The following NRXN3 variants were observed in gnomAD, a reference collection of about 807,000 sequenced individuals.
The protein encoded by NRXN3 is neurexin 3.
A neutral mutation model predicts 137.6 loss-of-function variants in NRXN3; 32 were observed. The observed-to-expected ratio is 0.23, with a 90% CI of 0.18 to 0.31. The LOEUF is 0.31. Ranked by LOEUF, NRXN3 falls within the 10% of genes least tolerant of loss-of-function variation. The probability of loss-of-function intolerance (pLI) is 1.00; values close to 1 mark genes in which losing one functional copy is unlikely to be tolerated. For missense variants in NRXN3, 1,574 were observed against 2,062.5 expected, an observed-to-expected ratio of 0.76 and a Z score of 4.59; for synonymous variants, 798 against 784.5, an observed-to-expected ratio of 1.02 and a Z score of -0.29.
intron 16 of NRXN3, among the ~76,000 whole-genome samples, chr14:79,597,872 CA>C (rs1745341478): frequency 1.3e-5 from 2 of 151,966 alleles, no homozygotes; most frequent in African/African-American, 4.8e-5. Context: ...AATATATAGG[CA>C]GAGGAAAAAA....
chr14:78,347,937 G>C (rs549189221), intron 4 of NRXN3, among the ~76,000 whole-genome samples: 48 of 152,274 alleles, frequency 3.2e-4, no homozygotes, highest in African/African-American at 1.1e-3. Flanking sequence ...GTTTGTGGAG[G>C]GGGCGAGAGG....
At chr14:78,234,854 C>A (rs2065962717) in intron 1 of NRXN3, among the ~76,000 whole-genome samples, 1 of 151,618 alleles carries the variant, frequency 6.6e-6, no homozygotes, top group African/African-American at 2.4e-5. Flanking sequence ...TTACCTACAC[C>A]TTTCTCAGAG....
chr14:78,845,716 G>A (rs1434462825), intron 10 of NRXN3, among the ~76,000 whole-genome samples: 1 of 152,000 alleles, frequency 6.6e-6, no homozygotes, highest in African/African-American at 2.4e-5. Flanking sequence ...ATACTTGAGA[G>A]TATTCATTCT....
At chr14:79,016,059 G>C (rs1295508078) in intron 15 of NRXN3, among the ~76,000 whole-genome samples, 2 of 152,072 alleles carry the variant, frequency 1.3e-5, no homozygotes, top group Non-Finnish European at 2.9e-5. Flanking sequence ...TTCTCACCTT[G>C]TCCATGGCCC....
intron 4 of NRXN3, among the ~76,000 whole-genome samples, chr14:78,623,528 C>G (rs1029081725): frequency 2.6e-5 from 4 of 152,154 alleles, no homozygotes; most frequent in Non-Finnish European, 2.9e-5. Flanking sequence ...TCATTTATAG[C>G]AAATAGCCAT....
intron 6 of NRXN3, among the ~76,000 whole-genome samples, chr14:78,664,961 C>G (rs149378402): frequency 1.3e-5 from 2 of 152,284 alleles, no homozygotes; most frequent in Non-Finnish European, 2.9e-5. Flanking sequence ...TTGTCAACAG[C>G]ATGCCACTCA....
chr14:79,255,575 A>C (rs2153385711), intron 15 of NRXN3, among the ~76,000 whole-genome samples: 1 of 152,358 alleles, frequency 6.6e-6, no homozygotes, highest in Admixed American at 6.5e-5. Flanking sequence ...TAAATGAGAT[A>C]ATTTAAAGTA....
At chr14:78,604,765 G>A (rs1186946526) in intron 4 of NRXN3, among the ~76,000 whole-genome samples, 2 of 152,104 alleles carry the variant, frequency 1.3e-5, no homozygotes, top group African/African-American at 4.8e-5. Context: ...AGAATATCAA[G>A]AGAAAACCTT....
In NRXN3 at chr14:78,945,767, G is replaced by A. The variant is rs190826944; in HGVS notation, c.2276-11475G>A. 9.2e-5 allele frequency among the ~76,000 whole-genome samples: 14 copies of A among 152,260 alleles called. No homozygotes were observed. In the East Asian group the frequency reaches 1.2e-3, roughly 13 times the overall value. ...AATGAGCAGAGCTTTATTTCCCACC[G>A]GCATTAATATTCATCCTAGTTCTGC... On this transcript the variant is annotated intron_variant, in intron 10 of 20. Transcript: ENST00000335750.
intron 10 of NRXN3, among the ~76,000 whole-genome samples, chr14:78,922,954 T>C (rs2099275080): frequency 6.6e-6 from 1 of 152,242 alleles, no homozygotes; most frequent in African/African-American, 2.4e-5. Flanking sequence ...TTCCCGTGGG[T>C]TTCCACTAAG....
intron 1 of NRXN3, among the ~76,000 whole-genome samples, chr14:78,194,379 C>G (rs1411045071): frequency 6.6e-6 from 1 of 152,154 alleles, no homozygotes; most frequent in Non-Finnish European, 1.5e-5. Flanking sequence ...CAACCCATTG[C>G]TGGGGAGTCC....
intron 4 of NRXN3, among the ~76,000 whole-genome samples, chr14:78,629,328 C>T (rs59894315): frequency 0.036 from 5,469 of 152,226 alleles, 354 homozygotes; most frequent in African/African-American, 0.13. Flanking sequence ...CTACTTTAGC[C>T]GAGGTAGTGG....
At chr14:79,062,461 T>C (rs186567145) in intron 15 of NRXN3, among the ~76,000 whole-genome samples, 43 of 152,160 alleles carry the variant, frequency 2.8e-4, no homozygotes, top group African/African-American at 1.0e-3. Context: ...TCCAGGAATG[T>C]CCTTACTGAC....
intron 16 of NRXN3, among the ~76,000 whole-genome samples, chr14:79,613,198 GATAAAAA>G (rs2098122009): frequency 6.6e-6 from 1 of 152,188 alleles, no homozygotes. Flanking sequence ...AGAACACAAA[GATAAAAA>G]ATATAGAAGT....
At chr14:78,546,551 T>C (rs1333988948) in intron 4 of NRXN3, among the ~76,000 whole-genome samples, 1 of 152,352 alleles carries the variant, frequency 6.6e-6, no homozygotes, top group East Asian at 1.9e-4. Context: ...TCGTAGAGAA[T>C]GTTTTCCCCG....
At chr14:78,457,418 T>TCGTTATTA (rs1308101161) in intron 4 of NRXN3, among the ~76,000 whole-genome samples, 1 of 152,012 alleles carries the variant, frequency 6.6e-6, no homozygotes, top group Non-Finnish European at 1.5e-5. Context: ...CCCCCTCACT[T>TCGTTATTA]CGTTATTAGG....
At chr14:79,830,287 G>A (rs1325380669) in intron 20 of NRXN3, among the ~76,000 whole-genome samples, 1 of 152,134 alleles carries the variant, frequency 6.6e-6, no homozygotes, top group African/African-American at 2.4e-5. Context: ...TGGAAAAAAA[G>A]GAATGCTTTG....
intron 16 of NRXN3, among the ~76,000 whole-genome samples, chr14:79,468,475 C>T (rs1343972093): frequency 1.3e-5 from 2 of 152,088 alleles, no homozygotes; most frequent in Non-Finnish European, 2.9e-5. Context: ...GAGGAAAAGG[C>T]AGTTAAGAAA....
intron 15 of NRXN3, among the ~76,000 whole-genome samples, chr14:79,193,573 G>T (rs1235126720): frequency 6.6e-6 from 1 of 152,102 alleles, no homozygotes; most frequent in South Asian, 2.1e-4. Context: ...ATTATTATAA[G>T]CTGTGAACAT....
Sources: gnomAD v4.1 joint callset for allele counts (sites outside exome capture counted in the v4.1 genomes callset) on GRCh38, gnomAD v4.1.1 for gene constraint, MANE v1.5 for transcripts, NCBI Gene and HGNC (gene_info 2026-07-23, HGNC 2026-07-21) for gene names.